FMN2: variants seen among roughly 807,000 people sequenced by gnomAD.
The protein encoded by FMN2 is formin 2.
In FMN2, 51 loss-of-function variants were observed where a neutral mutation model predicts 142.3. The observed-to-expected ratio is 0.36, with a 90% CI of 0.29 to 0.45. The LOEUF is 0.45. Among genes scored for constraint, FMN2 ranks in the 20% least tolerant of loss-of-function variants. The probability of loss-of-function intolerance (pLI) is 1.00; values close to 1 mark genes in which losing one functional copy is unlikely to be tolerated. For synonymous variants in FMN2, 882 were observed against 869.8 expected (o/e 1.01, Z -0.25); for missense variants, 1,936 against 2,122.8 (o/e 0.91, Z 1.73).
At chr1:240,366,273 C>T (rs1195598418) in intron 14 of FMN2, among the ~76,000 whole-genome samples, 1 of 152,124 alleles carries the variant, frequency 6.6e-6, no homozygotes, top group Non-Finnish European at 1.5e-5. Flanking sequence ...TCAGAAACAA[C>T]CACTATCCTG....
chr1:240,092,071 A>T lies in FMN2; in HGVS notation c.-39A>T. 6.6e-7 allele frequency: 1 copy of T among 1,525,046 alleles called. No individual in the cohort carries two copies. Among genetic ancestry groups the T allele is most frequent in the Non-Finnish European group, 8.8e-7 (1 of 1,138,254 alleles). 94.5% of individuals were successfully genotyped at this position (1,525,046 alleles called of 1,614,324 possible). ...GGCCGAGGAGGGCCGGGATGGCCTG[A>T]GTGCCCGCGGCGCGGCGGCGCAGCA... On this transcript the variant is annotated 5_prime_UTR_variant, in exon 1 of 18. It removes the in-frame stop codon of an upstream open reading frame in the 5' UTR. Transcript: ENST00000319653.
chr1:240,217,722 G>A (rs1324487465), intron 6 of FMN2, among the ~76,000 whole-genome samples: 2 of 151,158 alleles, frequency 1.3e-5, no homozygotes, highest in African/African-American at 4.9e-5. Flanking sequence ...TCAATTCAAG[G>A]AATGCAATAA....
intron 11 of FMN2, among the ~76,000 whole-genome samples, 163 bp downstream of exon 11, chr1:240,330,912 A>T (rs1558437411): frequency 1.3e-5 from 2 of 152,146 alleles, no homozygotes; most frequent in Non-Finnish European, 2.9e-5. Flanking sequence ...GATATTTGTG[A>T]TTTTGTGATT....
chr1:240,200,470 T>C (rs981440515), intron 4 of FMN2, among the ~76,000 whole-genome samples: 1 of 152,130 alleles, frequency 6.6e-6, no homozygotes, highest in Non-Finnish European at 1.5e-5. Context: ...CCTTGACTGA[T>C]AGCCCTGGAT....
intron 8 of FMN2, among the ~76,000 whole-genome samples, chr1:240,314,619 G>GT (rs1403700653): frequency 1.3e-5 from 2 of 152,134 alleles, no homozygotes; most frequent in Admixed American, 6.5e-5. Context: ...TTTCATGTTC[G>GT]TTTCATCCTA....
chr1:240,334,796 T>TG, intron 13 of FMN2, among the ~76,000 whole-genome samples: 1 of 152,314 alleles, frequency 6.6e-6, no homozygotes, highest in Admixed American at 6.5e-5. Context: ...GTTTGCAGAT[T>TG]TTTTTATTTT....
At chr1:240,385,367 C>A (rs115781536) in intron 14 of FMN2, among the ~76,000 whole-genome samples, 4,852 of 152,128 alleles carry the variant, frequency 0.032, 257 homozygotes, top group African/African-American at 0.11. Flanking sequence ...AGTATGTATG[C>A]TTCATTTATA....
intron 7 of FMN2, among the ~76,000 whole-genome samples, chr1:240,284,367 ACAGT>A (rs765213975): frequency 1.3e-5 from 2 of 152,144 alleles, no homozygotes; most frequent in Non-Finnish European, 2.9e-5. Flanking sequence ...TTAGAAACAA[ACAGT>A]CAGGAATGAC....
intron 8 of FMN2, among the ~76,000 whole-genome samples, chr1:240,322,998 C>A (rs1176625100): frequency 6.6e-6 from 1 of 152,050 alleles, no homozygotes; most frequent in African/African-American, 2.4e-5. Context: ...CCCAAGAACC[C>A]CCCTCCTCTT....
rs1676135540 is a variant in FMN2, at chr1:240,453,741, G to GT, written c.5060+15531_5060+15532insT. Among the ~76,000 whole-genome samples, 2 of 10,318 alleles carry GT rather than the reference G, an allele frequency of 1.9e-4. 1 individual carries two copies. Among genetic ancestry groups the GT allele is most frequent in the African/African-American group, 4.5e-4 (2 of 4,474 alleles). The allele number at this position is 10,318 out of a possible 152,430, so 6.8% of individuals were successfully genotyped here. On this transcript the variant is annotated intron_variant, in intron 16 of 17. Coordinates refer to ENST00000319653, the MANE Select transcript of FMN2 (RefSeq NM_020066.5). ...GCGGTGGCTCACGCCTGTAATCCCAGCACTTTGGGAGGCCGAGGCGGGTGG... is the reference window on the plus strand; with the variant it reads ...GCGGTGGCTCACGCCTGTAATCCCAGTCACTTTGGGAGGCCGAGGCGGGTGG...
chr1:240,364,890 T>G (rs543881017), intron 14 of FMN2, among the ~76,000 whole-genome samples: 3 of 152,338 alleles, frequency 2.0e-5, no homozygotes, highest in Non-Finnish European at 2.9e-5. Flanking sequence ...TCCGCTTGTG[T>G]TCTCTAACAC....
chr1:240,336,582 A>AAAAAAAAAAAAAAAAAAAAAAAAAG (rs144682452), intron 13 of FMN2, among the ~76,000 whole-genome samples: 1 of 101,842 alleles, frequency 9.8e-6, no homozygotes, highest in Non-Finnish European at 2.0e-5. Context: ...AAAAAAAAAA[A>AAAAAAAAAAAAAAAAAAAAAAAAAG]GGTGGTTGCA....
intron 7 of FMN2, among the ~76,000 whole-genome samples, chr1:240,260,999 T>A (rs1440744321): frequency 2.0e-5 from 3 of 152,210 alleles, no homozygotes; most frequent in Non-Finnish European, 2.9e-5. Flanking sequence ...CAGCATTTGT[T>A]GAATAAAGTG....
At chr1:240,199,611 C>T (rs144138305) in intron 4 of FMN2, among the ~76,000 whole-genome samples, 6 of 152,222 alleles carry the variant, frequency 3.9e-5, no homozygotes, top group African/African-American at 1.4e-4. Flanking sequence ...CTAACCATCA[C>T]CACCCACATA....
At position 240,255,470 on chromosome 1, in the gene FMN2, C is replaced by G. The variant is rs1572122039; in HGVS notation, c.4066-2475C>G. ...AGAGTTTGGGAGATCAATCAGAAAT[C>G]TTTTGCATTTATCTATGTAAGATAA... On this transcript the variant is annotated intron_variant, in intron 6 of 17. Coordinates refer to ENST00000319653, the MANE Select transcript of FMN2 (RefSeq NM_020066.5). 2.0e-5 allele frequency among the ~76,000 whole-genome samples: 3 copies of G among 152,230 alleles called. No homozygotes were observed. In the South Asian group the frequency reaches 6.2e-4, roughly 32 times the overall value.
chr1:240,388,002 C>A (rs1259208229), intron 14 of FMN2, among the ~76,000 whole-genome samples: 1 of 151,434 alleles, frequency 6.6e-6, no homozygotes, highest in Non-Finnish European at 1.5e-5. Context: ...ACGGTGAAAC[C>A]CCGTTTCTAC....
intron 4 of FMN2, among the ~76,000 whole-genome samples, chr1:240,192,818 A>G (rs1181472427): frequency 8.1e-5 from 12 of 147,316 alleles, no homozygotes; most frequent in Non-Finnish European, 4.5e-5. Context: ...TATTCACCAT[A>G]CTATGTTAAG....
At chr1:240,338,596 T>TTCA (rs1205758029) in intron 13 of FMN2, among the ~76,000 whole-genome samples, 1 of 152,140 alleles carries the variant, frequency 6.6e-6, no homozygotes, top group African/African-American at 2.4e-5. Flanking sequence ...GCCGTCTACC[T>TTCA]TCATCCCTTC....
At position 240,208,671 on chromosome 1, in the gene FMN2, A is replaced by G. The variant is rs765455415; in HGVS notation, c.3859A>G (p.Ile1287Val). Residue 1287 changes from isoleucine to valine, a missense_variant, in exon 5 of 18, where the codon ATA becomes GTA. Physicochemically the swap from Ile to Val is conservative, Grantham distance 29 (BLOSUM62 3). Transcript: ENST00000319653. ...GGACAAAGGGAGTAGGAAGCAGCCC[A>G]TAGAGCCTTGTCGACCAATGAAGCC... ...NQDKGSRKQPIEPCRPMKPLY... is the reference protein window; with the variant it reads ...NQDKGSRKQPVEPCRPMKPLY... The G allele has an allele frequency of 1.4e-5, 22 of 1,613,766 alleles. No individual in the cohort carries two copies. The African/African-American group carries it at 1.7e-4, about 13-fold the overall frequency.
Sources: allele counts gnomAD v4.1 joint callset (sites outside exome capture counted in the v4.1 genomes callset), GRCh38; gene constraint gnomAD v4.1.1; transcripts MANE v1.5; gene names NCBI Gene and HGNC (gene_info 2026-07-23, HGNC 2026-07-21).